Variants in WDPCP observed in about 807,000 individuals in gnomAD.
WDPCP encodes the protein WD repeat containing planar cell polarity effector, also known as WD repeat-containing and planar cell polarity effector protein fritz homolog.
In WDPCP, 71 loss-of-function variants were observed where a neutral mutation model predicts 93.1. The ratio of observed to expected loss-of-function variants is 0.76; its 90% CI spans 0.63 to 0.93. The LOEUF (loss-of-function observed/expected upper bound fraction) is 0.93. Ranked by LOEUF, WDPCP falls within the 40% of genes least tolerant of loss-of-function variation. The probability of loss-of-function intolerance (pLI) is 0.00; values close to 1 mark genes in which losing one functional copy is unlikely to be tolerated. For synonymous variants in WDPCP, 315 were observed against 315.0 expected (o/e 1.00, Z 0.00); for missense variants, 844 against 887.4 (o/e 0.95, Z 0.62).
chr2:63,820,888 T>C (rs1028321915), intron 1 of WDPCP, among the ~76,000 whole-genome samples: 3 of 152,138 alleles, frequency 2.0e-5, no homozygotes, highest in Non-Finnish European at 4.4e-5. Flanking sequence ...TTAACTTAAA[T>C]TTATTAAAAA....
At chr2:63,437,844 T>TA in intron 7 of WDPCP, 2 of 1,598,126 alleles carry the variant, frequency 1.3e-6, no homozygotes, top group South Asian at 1.1e-5. Flanking sequence ...AAGGTATTTT[T>TA]AAAAAACTAT....
intron 2 of WDPCP, among the ~76,000 whole-genome samples, chr2:63,766,882 A>G (rs1482185943): frequency 6.6e-6 from 1 of 152,146 alleles, no homozygotes; most frequent in East Asian, 1.9e-4. Context: ...CTCCATAGCC[A>G]TTAAACAATA....
rs77569747 is a variant in WDPCP, at chr2:63,761,228, C to T, written n.308+52394G>A. ...TCTGATAAAAGGATGAATTTGGTTC[C>T]CTTCCTCTCTTGCTCTCTCACACTC... On this transcript the variant is annotated intron_variant and non_coding_transcript_variant, in intron 2 of 4. Coordinates refer to the WDPCP transcript ENST00000467687. Among the ~76,000 whole-genome samples the T allele has an allele frequency of 5.3e-3, 811 of 152,212 alleles. 8 individuals carry two copies. Among genetic ancestry groups the T allele is most frequent in the Middle Eastern group, 0.02 (6 of 294 alleles).
chr2:63,630,647 G>A (rs189073778), intron 3 of WDPCP, among the ~76,000 whole-genome samples: 9 of 152,224 alleles, frequency 5.9e-5, no homozygotes, highest in African/African-American at 1.7e-4. Flanking sequence ...TAGGATTAAT[G>A]AGATAGACAA....
At chr2:63,173,755 CTT>C (rs1159353868) in intron 15 of WDPCP, among the ~76,000 whole-genome samples, 1 of 152,084 alleles carries the variant, frequency 6.6e-6, no homozygotes, top group Admixed American at 6.6e-5. Flanking sequence ...CAAATAAACT[CTT>C]TGATACTTGG....
At chr2:63,744,168 T>C (rs1669761899) in intron 2 of WDPCP, among the ~76,000 whole-genome samples, 1 of 152,130 alleles carries the variant, frequency 6.6e-6, no homozygotes, top group Non-Finnish European at 1.5e-5. Flanking sequence ...AATACAGTTT[T>C]AGCTGCATTG....
At chr2:63,198,359 A>G (rs1407773453) in intron 14 of WDPCP, among the ~76,000 whole-genome samples, 1 of 152,136 alleles carries the variant, frequency 6.6e-6, no homozygotes, top group Admixed American at 6.5e-5. Context: ...TCTTTTTACT[A>G]TTCTTTTGCA....
intron 2 of WDPCP, among the ~76,000 whole-genome samples, chr2:63,738,292 T>C (rs1669666188): frequency 6.6e-6 from 1 of 152,118 alleles, no homozygotes; most frequent in African/African-American, 2.4e-5. Flanking sequence ...TGTATAATAT[T>C]ATCCACTTTA....
chr2:63,575,360 A>ACT (rs1707862848), intron 1 of WDPCP, among the ~76,000 whole-genome samples: 1 of 105,002 alleles, frequency 9.5e-6, no homozygotes, highest in Non-Finnish European at 2.1e-5. Context: ...TGGTATATAC[A>ACT]GTATATACAG....
intron 2 of WDPCP, among the ~76,000 whole-genome samples, chr2:63,664,147 C>A (rs1710258439): frequency 6.6e-6 from 1 of 152,186 alleles, no homozygotes; most frequent in Non-Finnish European, 1.5e-5. Flanking sequence ...AGCTGACAAT[C>A]TCAGTTTAGG....
chr2:63,511,931 C>G (rs1702262645), intron 1 of WDPCP, among the ~76,000 whole-genome samples: 1 of 152,106 alleles, frequency 6.6e-6, no homozygotes, highest in Admixed American at 6.5e-5. Flanking sequence ...TTCTGCATAG[C>G]AAAAGAAACT....
chr2:63,700,692 A>G (rs1669035267), intron 2 of WDPCP, among the ~76,000 whole-genome samples: 1 of 152,224 alleles, frequency 6.6e-6, no homozygotes, highest in Admixed American at 6.5e-5. Flanking sequence ...AAAGGAACAG[A>G]ATAGAGAACC....
chr2:63,554,733 T>G (rs750407450), intron 1 of WDPCP, among the ~76,000 whole-genome samples: 22 of 152,200 alleles, frequency 1.4e-4, no homozygotes, highest in Non-Finnish European at 2.1e-4. Flanking sequence ...AAATTTCACC[T>G]ACTACTGAGA....
intron 9 of WDPCP, among the ~76,000 whole-genome samples, chr2:63,421,153 T>C (rs1463576375): frequency 1.3e-5 from 2 of 152,328 alleles, no homozygotes; most frequent in East Asian, 3.9e-4. Context: ...TGGATACCTC[T>C]CTTATTTGTA....
intron 14 of WDPCP, among the ~76,000 whole-genome samples, chr2:63,218,672 G>GGCGTGCGACACTAC (rs201286718): frequency 0.014 from 2,074 of 152,088 alleles, 42 homozygotes; most frequent in African/African-American, 0.047. Context: ...TGGGACTAAA[G>GGCGTGCGACACTAC]GCGTGCGACA....
intron 13 of WDPCP, among the ~76,000 whole-genome samples, chr2:63,288,892 C>T (rs568500013): frequency 1.4e-4 from 22 of 151,850 alleles, no homozygotes; most frequent in Non-Finnish European, 2.8e-4. Context: ...ATTAGAATGT[C>T]TCTCAATGTA....
At chr2:63,245,172 C>T (rs188013280) in intron 14 of WDPCP, among the ~76,000 whole-genome samples, 1 of 152,144 alleles carries the variant, frequency 6.6e-6, no homozygotes, top group Non-Finnish European at 1.5e-5. Context: ...TGCCCTCACA[C>T]AAGCACACCC....
At chr2:63,173,268 CAAAA>C (rs10714315) in intron 15 of WDPCP, among the ~76,000 whole-genome samples, 1 of 123,956 alleles carries the variant, frequency 8.1e-6, no homozygotes, top group African/African-American at 3.3e-5. Flanking sequence ...AACTCTGTCG[CAAAA>C]AAAAAAAAAA....
intron 3 of WDPCP, chr2:63,605,719 A>G (rs1709514521): frequency 2.7e-5 from 16 of 598,334 alleles, no homozygotes; most frequent in Middle Eastern, 4.5e-4. Context: ...AATGAGGATT[A>G]GGTTTCCCTG....
Sources: allele counts gnomAD v4.1 joint callset (sites outside exome capture counted in the v4.1 genomes callset), GRCh38; gene constraint gnomAD v4.1.1; transcripts MANE v1.5; gene names NCBI Gene and HGNC (gene_info 2026-07-23, HGNC 2026-07-21).